Variants in RAB9B observed in about 807,000 individuals in gnomAD.
RAB9B encodes the protein ras-related protein Rab-9B.
RAB9B carries 1 observed loss-of-function variant against 8.9 expected under a neutral mutation model. The ratio of observed to expected loss-of-function variants is 0.11; its 90% CI spans 0.04 to 0.53. The LOEUF is 0.53. Among genes scored for constraint, RAB9B ranks in the 20% least tolerant of loss-of-function variants. The pLI, the probability that RAB9B is intolerant of heterozygous loss-of-function variation, is 0.93. For synonymous variants in RAB9B, 63 were observed against 57.0 expected, an observed-to-expected ratio of 1.10 and a Z score of -0.47; for missense variants, 82 against 152.9, an observed-to-expected ratio of 0.54 and a Z score of 2.45.
chrX:103,797,589 G>A, the RAB9B span, among the ~76,000 whole-genome samples: 4 of 112,042 alleles, frequency 3.6e-5, no homozygotes, highest in Non-Finnish European at 7.5e-5. Flanking sequence ...ATTGGTTGAG[G>A]CAGCTAAGCC....
the RAB9B span, among the ~76,000 whole-genome samples, chrX:103,808,849 G>A: frequency 8.8e-6 from 1 of 113,135 alleles, no homozygotes; most frequent in Admixed American, 9.3e-5. Flanking sequence ...TCTTGCCCAA[G>A]ACCTGGCTAG....
the RAB9B span, chrX:103,785,430 TGCTGAAAGCCAAAACCTCTAGCCG>T: frequency 2.0e-6 from 1 of 511,128 alleles, no homozygotes; most frequent in Admixed American, 3.0e-5. Flanking sequence ...CAATCTCACA[TGCTGAAAGCCAAAACCTCTAGCCG>T]CTCCTGCTTT....
the RAB9B span, among the ~76,000 whole-genome samples, chrX:103,816,626 T>C: frequency 1.8e-5 from 2 of 111,934 alleles, no homozygotes; most frequent in African/African-American, 6.5e-5. Context: ...AAATAAACTA[T>C]TATCAGAGTG....
the RAB9B span, chrX:103,776,920 A>G: frequency 2.5e-5 from 25 of 990,060 alleles, no homozygotes; most frequent in African/African-American, 3.6e-4. Context: ...AGAGACCAGG[A>G]TCCTTCCAGC....
the RAB9B span, among the ~76,000 whole-genome samples, chrX:103,813,745 C>CAAAA: frequency 0.082 from 703 of 8,527 alleles, 242 homozygotes; most frequent in Middle Eastern, 0.1. Context: ...AAATGGAAAG[C>CAAAA]AAAAAAAAAA....
the RAB9B span, among the ~76,000 whole-genome samples, chrX:103,811,961 G>C: frequency 1.8e-5 from 2 of 108,488 alleles, no homozygotes; most frequent in Non-Finnish European, 3.8e-5. Flanking sequence ...AAAAGAGAGA[G>C]AAAGAGAGGT....
At chrX:103,806,439 G>A in the RAB9B span, among the ~76,000 whole-genome samples, 3 of 111,325 alleles carry the variant, frequency 2.7e-5, no homozygotes, top group Non-Finnish European at 5.7e-5. Context: ...TAATTTCGTT[G>A]TACCATGATC....
chrX:103,830,611 T>A (rs954283098), intron 1 of RAB9B, among the ~76,000 whole-genome samples: 26 of 111,426 alleles, frequency 2.3e-4, no homozygotes, highest in African/African-American at 8.5e-4. Context: ...TTACTAACTT[T>A]TTTTTTTCCC....
the RAB9B span, among the ~76,000 whole-genome samples, chrX:103,804,604 A>G: frequency 9.0e-6 from 1 of 111,701 alleles, no homozygotes; most frequent in African/African-American, 3.3e-5. Context: ...CTATAGATCA[A>G]TTTGGGGAAT....
chrX:103,805,700 G>T, the RAB9B span, among the ~76,000 whole-genome samples: 2 of 110,720 alleles, frequency 1.8e-5, no homozygotes, highest in Admixed American at 9.7e-5. Context: ...CTAGAAATGT[G>T]TTTATTTCAT....
At chrX:103,789,214 A>T in the RAB9B span, 2 of 602,989 alleles carry the variant, frequency 3.3e-6, no homozygotes, top group Admixed American at 4.6e-5. Context: ...TTAGTTAGAG[A>T]TGTGGAATTA....
chrX:103,790,629 G>A, the RAB9B span: 16 of 1,074,066 alleles, frequency 1.5e-5, no homozygotes, highest in South Asian at 1.9e-5. Flanking sequence ...TTCTCTAATA[G>A]CGAGGCTCTA....
the RAB9B span, among the ~76,000 whole-genome samples, chrX:103,783,296 G>A: frequency 1.8e-5 from 2 of 112,598 alleles, no homozygotes; most frequent in South Asian, 3.7e-4. Flanking sequence ...TCCCAAGCAC[G>A]TTTGCAAAGT....
At chrX:103,806,330 T>G in the RAB9B span, among the ~76,000 whole-genome samples, 1 of 111,563 alleles carries the variant, frequency 9.0e-6, no homozygotes, top group African/African-American at 3.3e-5. Context: ...TATTTTCTAA[T>G]TTTTCATGTG....
chrX:103,785,199 C>T, the RAB9B span, among the ~76,000 whole-genome samples: 1 of 110,864 alleles, frequency 9.0e-6, no homozygotes, highest in South Asian at 3.8e-4. Flanking sequence ...CTGTCTCAGC[C>T]TCCTGAGTAG....
the RAB9B span, chrX:103,787,601 T>G: frequency 8.8e-6 from 4 of 455,669 alleles, no homozygotes; most frequent in Non-Finnish European, 1.6e-5. Flanking sequence ...CCACCCTCCG[T>G]TATACTGGGG....
chrX:103,790,499 T>C, the RAB9B span: 1 of 1,123,702 alleles, frequency 8.9e-7, no homozygotes. Context: ...TCTACTCTCA[T>C]TCACATTCTC....
At chrX:103,806,530 A>G in the RAB9B span, among the ~76,000 whole-genome samples, 1 of 111,699 alleles carries the variant, frequency 9.0e-6, no homozygotes, top group African/African-American at 3.3e-5. Context: ...TCTATCCTGG[A>G]GAATGTTCAT....
downstream of RAB9B, among the ~76,000 whole-genome samples, chrX:103,821,690 G>A (rs541506796): frequency 1.5e-4 from 17 of 111,903 alleles, no homozygotes; most frequent in Admixed American, 1.6e-3. Context: ...CACCAGTCAG[G>A]AAAATAAAGG....
Sources: allele counts gnomAD v4.1 joint callset (sites outside exome capture counted in the v4.1 genomes callset), GRCh38; gene constraint gnomAD v4.1.1; transcripts MANE v1.5; gene names NCBI Gene and HGNC (gene_info 2026-07-23, HGNC 2026-07-21).